The following KICS2 variants were observed in gnomAD, a reference collection of about 807,000 sequenced individuals.
The protein encoded by KICS2 is KICSTOR complex protein C12orf66.
A neutral mutation model predicts 31.4 loss-of-function variants in KICS2; 13 were observed. The ratio of observed to expected loss-of-function variants is 0.41; its 90% CI spans 0.27 to 0.66. The LOEUF (loss-of-function observed/expected upper bound fraction) is 0.66, where lower values mean the gene tolerates loss of function less well. KICS2 is among the 30% of genes least tolerant of loss of function. KICS2 has a pLI of 0.28. For missense variants in KICS2, 455 were observed against 545.4 expected (o/e 0.83, Z 1.65); for synonymous variants, 209 against 214.8 (o/e 0.97, Z 0.24).
At chr12:64,195,878 C>T (rs1303757935) in intron 2 of KICS2, among the ~76,000 whole-genome samples, 1 of 152,242 alleles carries the variant, frequency 6.6e-6, no homozygotes, top group African/African-American at 2.4e-5. Context: ...CACCCGAATA[C>T]TGCGCTTTTC....
chr12:64,216,146 T>TATCATAAATACTTTATGATA (rs6144746), intron 1 of KICS2, among the ~76,000 whole-genome samples, 183 bp from the exon 2 acceptor site: 72,271 of 144,464 alleles, frequency 0.5, 18,047 homozygotes, highest in Non-Finnish European at 0.54. Context: ...ACTTTATGAT[T>TATCATAAATACTTTATGATA]ATCATAAATA....
intron 1 of KICS2, among the ~76,000 whole-genome samples, chr12:64,216,299 A>G (rs1218339649): frequency 6.6e-6 from 1 of 152,166 alleles, no homozygotes; most frequent in East Asian, 1.9e-4. Context: ...CCCCAATTCA[A>G]TGAGGATTCA....
intron 2 of KICS2, among the ~76,000 whole-genome samples, chr12:64,207,097 G>C (rs754946882): frequency 6.6e-6 from 1 of 151,978 alleles, no homozygotes; most frequent in Non-Finnish European, 1.5e-5. Flanking sequence ...TTGAGCTCAC[G>C]CGTTCAAGAC....
chr12:64,188,343 G>C (rs2136682290), downstream of KICS2, among the ~76,000 whole-genome samples: 1 of 152,302 alleles, frequency 6.6e-6, no homozygotes, highest in Non-Finnish European at 1.5e-5. Context: ...GGCCAACATG[G>C]TGAAACCCCG....
intron 2 of KICS2, among the ~76,000 whole-genome samples, chr12:64,206,636 T>C (rs1400175953): frequency 2.0e-5 from 3 of 152,086 alleles, no homozygotes; most frequent in Non-Finnish European, 4.4e-5. Flanking sequence ...TGGAAACAAC[T>C]CCAATGCCCA....
rs2037388613 is a variant in KICS2, at chr12:64,192,477, A to G, written c.*1365T>C. 1.1e-5 allele frequency: 5 copies of G among 467,668 alleles called. No homozygotes were observed. The Admixed American group carries it at 1.9e-4, about 18-fold the overall frequency. 29.0% of individuals were successfully genotyped at this position (467,668 alleles called of 1,614,324 possible). A position where few individuals can be genotyped will look rare whatever the true frequency, so the allele number is the denominator to read the frequency against. ...CACCCTAGGTGGGCAGGCTTCCTAC[A>G]TGGACTCTGAGGGGCTCTCTGGTCT... On this transcript the variant is annotated 3_prime_UTR_variant, in exon 3 of 3. Coordinates refer to ENST00000398055, the MANE Select transcript of KICS2 (RefSeq NM_152440.5).
At chr12:64,194,683 T>G (rs1015576784) in intron 2 of KICS2, 25 bp from the exon 3 acceptor site, 9 of 1,572,324 alleles carry the variant, frequency 5.7e-6, no homozygotes, top group Non-Finnish European at 7.8e-6. Context: ...GAAATAGAGA[T>G]AAGTGGAAAT....
intron 2 of KICS2, among the ~76,000 whole-genome samples, chr12:64,196,894 T>C (rs1592380253): frequency 6.7e-6 from 1 of 149,790 alleles, no homozygotes; most frequent in Non-Finnish European, 1.5e-5. Context: ...AAGGGAAGTT[T>C]AGAGAAAAAC....
intron 2 of KICS2, among the ~76,000 whole-genome samples, chr12:64,206,629 A>T (rs1037411057): frequency 2.0e-5 from 3 of 152,230 alleles, no homozygotes; most frequent in African/African-American, 7.2e-5. Flanking sequence ...TGAGAGGTGG[A>T]AACAACTCCA....
At chr12:64,204,427 A>G (rs915840568) in intron 2 of KICS2, among the ~76,000 whole-genome samples, 7 of 152,198 alleles carry the variant, frequency 4.6e-5, no homozygotes, top group African/African-American at 1.7e-4. Context: ...CAGATCTCAA[A>G]TCTTCCAGCT....
At chr12:64,213,048 T>A (rs2037596989) in intron 2 of KICS2, among the ~76,000 whole-genome samples, 1 of 144,272 alleles carries the variant, frequency 6.9e-6, no homozygotes, top group Non-Finnish European at 1.5e-5. Context: ...TGAGATCATG[T>A]CACTGCACTC....
At chr12:64,220,856 T>C (rs1198151968) in intron 1 of KICS2, among the ~76,000 whole-genome samples, 1 of 152,064 alleles carries the variant, frequency 6.6e-6, no homozygotes, top group Non-Finnish European at 1.5e-5. Flanking sequence ...AGGGGAATAA[T>C]AACACCATAG....
chr12:64,191,239 A>T lies in KICS2; in HGVS notation c.*2603T>A, dbSNP rs947187631. 9 of 151,446 alleles carry T rather than the reference A, an allele frequency of 5.9e-5. No homozygotes were observed. The highest frequency in any genetic ancestry group is 2.2e-4 in the African/African-American group (9 of 40,666). The allele number at this position is 151,446 out of a possible 1,614,324, so 9.4% of individuals were successfully genotyped here. On this transcript the variant is annotated 3_prime_UTR_variant, in exon 3 of 3. Transcript: ENST00000398055. ...AAAACTTTATTGAAGAGCTTCAGAA[A>T]TAATTTAAGTATCAATATTCAATCT...
At position 64,198,893 on chromosome 12, in the gene KICS2, C is replaced by T. The variant is rs2037463445; in HGVS notation, c.522-4235G>A. On this transcript the variant is annotated intron_variant, in intron 2 of 2. Transcript: ENST00000398055. ...CCTCCACACATACACTCTCCCAAGACTAAACCAGGAAGAAGTTGAATCTCT... is the reference window on the plus strand; with the variant it reads ...CCTCCACACATACACTCTCCCAAGATTAAACCAGGAAGAAGTTGAATCTCT... 2.0e-5 allele frequency among the ~76,000 whole-genome samples: 3 copies of T among 151,690 alleles called. No individual in the cohort carries two copies. The South Asian group carries it at 6.2e-4, about 32-fold the overall frequency.
downstream of KICS2, chr12:64,187,782 GA>G (rs1258712390): frequency 4.4e-6 from 3 of 684,198 alleles, no homozygotes; most frequent in Non-Finnish European, 7.1e-6. Context: ...ATTTTTACTT[GA>G]AAAAAATCAG....
chr12:64,205,750 G>GAAA, intron 2 of KICS2, among the ~76,000 whole-genome samples: 1 of 56,616 alleles, frequency 1.8e-5, no homozygotes, highest in Non-Finnish European at 3.9e-5. Flanking sequence ...GGAAGGGAGG[G>GAAA]AGGGAAAAGG....
intron 2 of KICS2, among the ~76,000 whole-genome samples, chr12:64,210,266 A>G (rs2037571508): frequency 6.6e-6 from 1 of 152,242 alleles, no homozygotes; most frequent in South Asian, 2.1e-4. Context: ...GCATGGGTGG[A>G]AGATGGAAAT....
At chr12:64,209,592 T>TA (rs1363527528) in intron 2 of KICS2, among the ~76,000 whole-genome samples, 3 of 151,876 alleles carry the variant, frequency 2.0e-5, no homozygotes, top group African/African-American at 4.8e-5. Context: ...ATCTCAAAAA[T>TA]AAAAAAAGTT....
Position 64,193,735 on chromosome 12 carries a change from C to A in KICS2, c.*107G>T. 1 of 1,451,742 alleles carries A rather than the reference C, an allele frequency of 6.9e-7. No homozygotes were observed. The highest frequency in any genetic ancestry group is 9.0e-7 in the Non-Finnish European group (1 of 1,105,168). 89.9% of individuals were successfully genotyped at this position (1,451,742 alleles called of 1,614,324 possible). A position where few individuals can be genotyped will look rare whatever the true frequency, so the allele number is the denominator to read the frequency against. Reference sequence around the variant, plus strand: ...GGGAGGATTTGTCTTTAATTTAGTTCTGAAAGAGGCATGAATGGATGTAAA... The same window carrying A: ...GGGAGGATTTGTCTTTAATTTAGTTATGAAAGAGGCATGAATGGATGTAAA... On this transcript the variant is annotated 3_prime_UTR_variant, in exon 3 of 3. Coordinates refer to ENST00000398055, the MANE Select transcript of KICS2 (RefSeq NM_152440.5).
Sources: gnomAD v4.1 joint callset for allele counts (sites outside exome capture counted in the v4.1 genomes callset) on GRCh38, gnomAD v4.1.1 for gene constraint, MANE v1.5 for transcripts, NCBI Gene and HGNC (gene_info 2026-07-23, HGNC 2026-07-21) for gene names.